ANO1: variants seen among roughly 807,000 people sequenced by gnomAD.
ANO1 encodes the protein anoctamin 1.
ANO1 carries 59 observed loss-of-function variants against 124.0 expected under a neutral mutation model. That is an observed-to-expected ratio of 0.48 (90% CI 0.39 to 0.59). The LOEUF is 0.59. Among genes scored for constraint, ANO1 ranks in the 20% least tolerant of loss-of-function variants. The pLI is 0.00. For synonymous variants in ANO1, 529 were observed against 532.0 expected (o/e 0.99, Z 0.08); for missense variants, 1,059 against 1,328.0 (o/e 0.80, Z 3.15).
chr11:69,997,951 A>G (rs1448029945), intron 1 of ANO1, among the ~76,000 whole-genome samples: 2 of 152,128 alleles, frequency 1.3e-5, no homozygotes, highest in African/African-American at 4.8e-5. Flanking sequence ...TCTTTTCTTT[A>G]TAAATTACCC....
Position 69,997,013 on chromosome 11 carries a change from C to G in ANO1, c.58+10847C>G, listed in dbSNP as rs1262584796. The stretch of plus-strand genomic sequence containing the variant: ...CAGGCCATGAGACCTTAATGTGGAA[C>G]AGTGGGGTCACCTCCTGCAACTCAG... On this transcript the variant is annotated intron_variant, in intron 1 of 27. Transcript: ENST00000531349. 2.6e-5 allele frequency among the ~76,000 whole-genome samples: 4 copies of G among 152,176 alleles called. No individual in the cohort carries two copies. In the East Asian group the frequency reaches 5.8e-4, roughly 22 times the overall value.
At chr11:69,991,549 TG>T (rs1191386687) in intron 1 of ANO1, among the ~76,000 whole-genome samples, 3 of 152,180 alleles carry the variant, frequency 2.0e-5, no homozygotes, top group African/African-American at 7.2e-5. Context: ...AAGTACCAGT[TG>T]TGAACAGAAC....
intron 11 of ANO1, among the ~76,000 whole-genome samples, chr11:70,145,943 CAAAA>C (rs10589426): frequency 0.26 from 28,246 of 108,638 alleles, 2,996 homozygotes; most frequent in East Asian, 0.45. Flanking sequence ...TCTCAAAAAA[CAAAA>C]AAAAAAAAAA....
chr11:70,087,784 C>T lies in ANO1; in HGVS notation c.141C>T (p.Ala47=), dbSNP rs753938260. 1.6e-5 allele frequency: 25 copies of T among 1,609,166 alleles called. No individual in the cohort carries two copies. Among genetic ancestry groups the T allele is most frequent in the East Asian group, 8.9e-5 (4 of 44,768 alleles). ...ACTCCTTATCTGTGGACCCTGATGC[C>T]GAGTGCAAGTATGGCCTGTACTTCA... The part of the protein sequence containing the change: ...LLNSLSVDPD[A]ECKYGLYFRD... Residue 47 remains alanine, a synonymous_variant, in exon 2 of 26, where the codon GCC becomes GCT. Transcript: ENST00000355303.
At chr11:70,081,301 T>C (rs2044193832) in intron 1 of ANO1, among the ~76,000 whole-genome samples, 1 of 152,214 alleles carries the variant, frequency 6.6e-6, no homozygotes, top group African/African-American at 2.4e-5. Flanking sequence ...GTCCATGGTC[T>C]GGGATCTGTG....
chr11:70,112,079 C>T (rs769907725), intron 7 of ANO1, among the ~76,000 whole-genome samples: 1 of 152,222 alleles, frequency 6.6e-6, no homozygotes. Flanking sequence ...TCCCCTACCC[C>T]CAGCTGGCCC....
rs184413415 is a variant in ANO1, at chr11:70,120,417, C to A, written c.897+3918C>A. ...TGTTCTGGTGGGCAGCTGCTGCCTC[C>A]CCCTGCCAGGGCACTGGAAGAGTAG... On this transcript the variant is annotated intron_variant, in intron 8 of 25. Coordinates refer to ENST00000355303, the MANE Select transcript of ANO1 (RefSeq NM_018043.7). Among the ~76,000 whole-genome samples, 412 of 152,264 alleles carry A rather than the reference C, an allele frequency of 2.7e-3. 1 individual carries two copies. The highest frequency in any genetic ancestry group is 4.7e-3 in the Non-Finnish European group (321 of 68,006).
rs546889032 is a variant in ANO1, at chr11:70,011,030, G to A, written c.58+24864G>A. On this transcript the variant is annotated intron_variant, in intron 1 of 27. Coordinates refer to the ANO1 transcript ENST00000531349. ...GTGAATGCAGATAGAATATACAAGG[G>A]ATGTGCCCAGTGCCATGATTTGGTT... 2.0e-5 allele frequency among the ~76,000 whole-genome samples: 3 copies of A among 152,374 alleles called. No individual in the cohort carries two copies. In the East Asian group the frequency reaches 5.8e-4, roughly 29 times the overall value.
At chr11:70,088,280 G>A (rs955762802) in intron 2 of ANO1, among the ~76,000 whole-genome samples, 196 bp downstream of exon 2, 2 of 152,040 alleles carry the variant, frequency 1.3e-5, no homozygotes, top group African/African-American at 2.4e-5. Flanking sequence ...GGGAGGCTGA[G>A]GGGGGTGGTT....
At chr11:70,163,614 G>A (rs11235460) in intron 19 of ANO1, 226,019 of 598,832 alleles carry the variant, frequency 0.38, 45,512 homozygotes, top group East Asian at 0.55. Flanking sequence ...CTTTTTTTGT[G>A]AGACTGAATA....
At chr11:70,116,535 C>CGG in intron 8 of ANO1, 36 bp downstream of exon 8, 1 of 1,569,760 alleles carries the variant, frequency 6.4e-7, no homozygotes, top group Non-Finnish European at 8.6e-7. Flanking sequence ...GTGGCTCTGT[C>CGG]AGAGCCTGGA....
At position 70,170,966 on chromosome 11, in the gene ANO1, C is replaced by G; in HGVS notation, c.2277C>G (p.Ile759Met). The G allele has an allele frequency of 1.9e-6, 3 of 1,613,210 alleles. No homozygotes were observed. The highest frequency in any genetic ancestry group is 2.5e-6 in the Non-Finnish European group (3 of 1,179,596). The change falls in exon 22 of 26, where the codon ATC becomes ATG. Residue 759 changes from isoleucine (I) to methionine (M), a missense_variant. Ile to Met is a conservative substitution (Grantham distance 10). Around this residue, in one of 2 missense-constraint regions of ANO1, gnomAD observed 809 missense variants for 1,094.9 expected, o/e 0.74. Coordinates refer to ENST00000355303, the MANE Select transcript of ANO1 (RefSeq NM_018043.7). ...TGTTTGCGCTGCTGAACAACATCAT[C>G]GAGATCCGCCTGGACGCCAAAAAGT... ...APLFALLNNI[I>M]EIRLDAKKFV...
chr11:70,043,589 G>A lies in ANO1; in HGVS notation c.59-34953G>A, dbSNP rs181894755. On this transcript the variant is annotated intron_variant, in intron 1 of 27. Transcript: ENST00000531349. ...AATATTAAGAGCAGTCAGAGAAAAA[G>A]GACATATTATGTAGGGGAAGAAGAG... Among the ~76,000 whole-genome samples, 895 of 152,204 alleles carry A rather than the reference G, an allele frequency of 5.9e-3. 12 individuals carry two copies. The highest frequency in any genetic ancestry group is 0.019 in the African/African-American group (800 of 41,538).
At chr11:70,130,682 T>C (rs547748433) in intron 10 of ANO1, among the ~76,000 whole-genome samples, 1 of 152,332 alleles carries the variant, frequency 6.6e-6, no homozygotes, top group East Asian at 1.9e-4. Flanking sequence ...TCCTCTCTCC[T>C]GGCCACAGTA....
chr11:69,984,881 C>T (rs1172770822), upstream of ANO1, among the ~76,000 whole-genome samples: 1 of 152,258 alleles, frequency 6.6e-6, no homozygotes, highest in Non-Finnish European at 1.5e-5. Context: ...CCCACGGCCT[C>T]TCCTGTGGTC....
At chr11:70,096,688 C>A (rs2044982014) in intron 2 of ANO1, among the ~76,000 whole-genome samples, 1 of 152,084 alleles carries the variant, frequency 6.6e-6, no homozygotes, top group Non-Finnish European at 1.5e-5. Flanking sequence ...TAGTGAAACC[C>A]CGTCTCTACT....
intron 11 of ANO1, among the ~76,000 whole-genome samples, chr11:70,146,517 C>T (rs571018901): frequency 4.6e-5 from 7 of 152,110 alleles, no homozygotes; most frequent in African/African-American, 1.7e-4. Flanking sequence ...AGGGAAGGTG[C>T]GTGAGTCAGG....
rs183408786 is a variant in ANO1 at position 70,152,062 on chromosome 11, C to T, written c.1342-388C>T. ...TAAGAAAGTTGTCTTTAGGACCGGGCGCGGTGGCTCACGCCTGTAACCCCA... is the reference window on the plus strand; with the variant it reads ...TAAGAAAGTTGTCTTTAGGACCGGGTGCGGTGGCTCACGCCTGTAACCCCA... On this transcript the variant is annotated intron_variant, in intron 12 of 25. Coordinates refer to ENST00000355303, the MANE Select transcript of ANO1 (RefSeq NM_018043.7). Among the ~76,000 whole-genome samples, 389 of 152,238 alleles carry T rather than the reference C, an allele frequency of 2.6e-3. 1 individual carries two copies. The highest frequency in any genetic ancestry group is 3.9e-3 in the Non-Finnish European group (266 of 68,016).
intron 1 of ANO1, among the ~76,000 whole-genome samples, chr11:70,052,315 C>T (rs963292693): frequency 9.2e-5 from 14 of 152,110 alleles, no homozygotes; most frequent in Non-Finnish European, 1.3e-4. Flanking sequence ...TATTGTTGGT[C>T]GATATGAATA....
Sources: allele counts gnomAD v4.1 joint callset (sites outside exome capture counted in the v4.1 genomes callset), GRCh38; gene constraint gnomAD v4.1.1; regional missense constraint gnomAD v4.1.1; transcripts MANE v1.5; gene names NCBI Gene and HGNC (gene_info 2026-07-23, HGNC 2026-07-21).